RAB37: variants seen among roughly 807,000 people sequenced by gnomAD.
RAB37 encodes the protein ras-related protein Rab-37.
In RAB37, 29 loss-of-function variants were observed where a neutral mutation model predicts 33.1. That is an observed-to-expected ratio of 0.88 (90% CI 0.65 to 1.20). The LOEUF (loss-of-function observed/expected upper bound fraction) is 1.20. Among genes scored for constraint, RAB37 ranks in the 50% most tolerant of loss-of-function variants. RAB37 has a pLI of 0.00. For synonymous variants in RAB37, 128 were observed against 119.5 expected, an observed-to-expected ratio of 1.07 and a Z score of -0.47; for missense variants, 299 against 301.1, an observed-to-expected ratio of 0.99 and a Z score of 0.05.
chr17:74,702,346 A>G (rs1199353929), intron 1 of RAB37, among the ~76,000 whole-genome samples: 1 of 152,170 alleles, frequency 6.6e-6, no homozygotes, highest in Non-Finnish European at 1.5e-5. Flanking sequence ...AAGCTCCAGC[A>G]CCACCCTTCA....
At chr17:74,737,456 C>A in intron 1 of RAB37, 91 bp downstream of exon 1, 1 of 1,354,942 alleles carries the variant, frequency 7.4e-7, no homozygotes, top group Non-Finnish European at 9.9e-7. Flanking sequence ...TTCCCCCAGG[C>A]AGCTGCGTCT....
chr17:74,744,206 C>A lies in RAB37; in HGVS notation c.367-102C>A. 9.0e-7 allele frequency: 1 copy of A among 1,107,250 alleles called. No homozygotes were observed. Among genetic ancestry groups the A allele is most frequent in the Non-Finnish European group, 1.3e-6 (1 of 753,832 alleles). 68.6% of individuals were successfully genotyped at this position (1,107,250 alleles called of 1,614,324 possible). A position where few individuals can be genotyped will look rare whatever the true frequency, so the allele number is the denominator to read the frequency against. ...ACAGATGAGAGAACGCACAGGGTAT[C>A]GTGTTCAAGGTAGTGAGTAACTGAG... On this transcript the variant is annotated intron_variant, in intron 5 of 8. Coordinates refer to ENST00000392613, the MANE Select transcript of RAB37 (RefSeq NM_001006638.3). The surrounding 1 kb of genome is among the most constrained non-coding windows in gnomAD (Gnocchi z 4.2).
intron 1 of RAB37, chr17:74,713,056 T>C (rs67406906): frequency 0.19 from 107,688 of 578,422 alleles, 11,172 homozygotes; most frequent in East Asian, 0.32. Context: ...CCTGTAATCC[T>C]GGCACTTTGG....
upstream of RAB37, chr17:74,736,566 C>A (rs1241810441): frequency 2.7e-6 from 4 of 1,500,910 alleles, no homozygotes; most frequent in South Asian, 1.3e-5. Flanking sequence ...GAGCGGTCCA[C>A]TGGGAGATGT....
chr17:74,702,912 T>A, intron 1 of RAB37: 1 of 779,396 alleles, frequency 1.3e-6, no homozygotes, highest in Non-Finnish European at 2.1e-6. Flanking sequence ...CCCAGCTTCC[T>A]CATCCTCACC....
upstream of RAB37, chr17:74,737,023 C>T (rs1000745125): frequency 6.2e-7 from 1 of 1,606,416 alleles, no homozygotes; most frequent in Non-Finnish European, 8.5e-7. Flanking sequence ...TGGCTCATGT[C>T]CGAAGCGCAC....
chr17:74,685,104 T>TAA (rs920024515), intron 1 of RAB37, among the ~76,000 whole-genome samples: 14 of 139,066 alleles, frequency 1.0e-4, no homozygotes, highest in African/African-American at 2.1e-4. Flanking sequence ...CATTTTGCCT[T>TAA]AAAAAAAAAA....
At chr17:74,706,751 G>C (rs1436175575) in intron 1 of RAB37, among the ~76,000 whole-genome samples, 4 of 152,206 alleles carry the variant, frequency 2.6e-5, no homozygotes, top group African/African-American at 9.6e-5. Flanking sequence ...GTGTCAGAGA[G>C]ACCCTGGGAA....
At chr17:74,697,296 CCT>C (rs896123008) in intron 1 of RAB37, among the ~76,000 whole-genome samples, 1 of 152,064 alleles carries the variant, frequency 6.6e-6, no homozygotes, top group Admixed American at 6.6e-5. Context: ...GTTGCTGGTC[CCT>C]GTCTTCTTTC....
At chr17:74,685,142 G>A (rs2032030013) in intron 1 of RAB37, among the ~76,000 whole-genome samples, 1 of 151,850 alleles carries the variant, frequency 6.6e-6, no homozygotes, top group African/African-American at 2.4e-5. Context: ...AGGTAGCTGG[G>A]ATCCACTTTG....
intron 1 of RAB37, among the ~76,000 whole-genome samples, chr17:74,715,046 C>CAGG (rs2034148992): frequency 6.6e-6 from 1 of 152,204 alleles, no homozygotes; most frequent in African/African-American, 2.4e-5. Flanking sequence ...AACTTGAACA[C>CAGG]AGGAGGTGGA....
intron 1 of RAB37, among the ~76,000 whole-genome samples, chr17:74,703,946 A>G (rs758334517): frequency 2.0e-5 from 3 of 152,236 alleles, no homozygotes; most frequent in Admixed American, 2.0e-4. Flanking sequence ...GATGTCAGGG[A>G]CCAGGAATGC....
chr17:74,683,639 T>C (rs1435194693), intron 1 of RAB37, among the ~76,000 whole-genome samples: 7 of 152,242 alleles, frequency 4.6e-5, no homozygotes, highest in Admixed American at 4.6e-4. Flanking sequence ...TTATTTTATA[T>C]AGCCATTCTT....
intron 1 of RAB37, among the ~76,000 whole-genome samples, chr17:74,739,852 A>G (rs1300135634): frequency 6.6e-6 from 1 of 152,104 alleles, no homozygotes; most frequent in Non-Finnish European, 1.5e-5. Context: ...TTTAATAAAC[A>G]TAAAATGTCA....
rs555453533 is a variant in RAB37 at position 74,724,560 on chromosome 17, T to G, written c.73-4696T>G. On this transcript the variant is annotated intron_variant, in intron 1 of 7. Coordinates refer to the RAB37 transcript ENST00000340415. ...GCTTTGTGTGAGCAACGTGGCTGTT[T>G]ATTTCACCTGGGTGCAGGCAGGCTG... Among the ~76,000 whole-genome samples the G allele has an allele frequency of 1.1e-4, 17 of 152,362 alleles. No individual in the cohort carries two copies. In the South Asian group the frequency reaches 3.5e-3, roughly 32 times the overall value.
intron 1 of RAB37, among the ~76,000 whole-genome samples, chr17:74,682,608 G>C (rs570446297): frequency 2.6e-5 from 4 of 152,330 alleles, no homozygotes; most frequent in East Asian, 1.9e-4. Context: ...TGTAGATCAA[G>C]AGTGGAAGAA....
intron 1 of RAB37, chr17:74,695,676 C>A (rs754926062): frequency 1.1e-5 from 17 of 1,611,516 alleles, no homozygotes; most frequent in Non-Finnish European, 1.4e-5. Context: ...CAACGGCAGG[C>A]CTGTGTCCCC....
Position 74,745,267 on chromosome 17 carries a change from C to CCAGCG in RAB37, c.567-35_567-34insGCAGC, listed in dbSNP as rs753136122. ...GGGCGGCTCAGCTCCTCACCCCAGC[C>CCAGCG]CAGCCCAGCCCAGCCCAGCCCATTG... On this transcript the variant is annotated intron_variant, in intron 8 of 8. Transcript: ENST00000392613. This position sits in a 1 kb window ranked among gnomAD's most constrained non-coding sequence, Gnocchi z 4.5. 1.3e-6 allele frequency: 2 copies of CCAGCG among 1,592,144 alleles called. No homozygotes were observed. Among genetic ancestry groups the CCAGCG allele is most frequent in the South Asian group, 2.2e-5 (2 of 90,622 alleles).
chr17:74,703,193 T>C, intron 1 of RAB37: 1 of 1,483,570 alleles, frequency 6.7e-7, no homozygotes, highest in Non-Finnish European at 9.4e-7. Context: ...CCCCTGCCCA[T>C]GAGCCCACCC....
Sources: gnomAD v4.1 joint callset for allele counts (sites outside exome capture counted in the v4.1 genomes callset) on GRCh38, gnomAD v4.1.1 for gene constraint, Gnocchi (gnomAD v3.1) non-coding constraint, MANE v1.5 for transcripts, NCBI Gene and HGNC (gene_info 2026-07-23, HGNC 2026-07-21) for gene names.